Variants in AGFG1 observed in about 807,000 individuals in gnomAD.
AGFG1 encodes arf-GAP domain and FG repeat-containing protein 1.
A neutral mutation model predicts 60.6 loss-of-function variants in AGFG1; 10 were observed. The ratio of observed to expected loss-of-function variants is 0.16; its 90% CI spans 0.10 to 0.28. The LOEUF is 0.28. Ranked by LOEUF, AGFG1 falls within the 10% of genes least tolerant of loss-of-function variation. The pLI is 1.00. For synonymous variants in AGFG1, 247 were observed against 242.9 expected, an observed-to-expected ratio of 1.02 and a Z score of -0.16; for missense variants, 537 against 676.5, an observed-to-expected ratio of 0.79 and a Z score of 2.29.
intron 8 of AGFG1, among the ~76,000 whole-genome samples, chr2:227,535,308 A>G (rs1453123679): frequency 6.6e-6 from 1 of 152,196 alleles, no homozygotes; most frequent in East Asian, 1.9e-4. Flanking sequence ...TTCCTTACAG[A>G]TTGTACTCAG....
chr2:227,504,324 C>G (rs986114613), intron 2 of AGFG1, among the ~76,000 whole-genome samples: 3 of 152,008 alleles, frequency 2.0e-5, no homozygotes, highest in African/African-American at 7.2e-5. Flanking sequence ...TCCCAAGCAC[C>G]TGGGACCACA....
In AGFG1 at chr2:227,554,513, A is replaced by C. The variant is rs761018751; in HGVS notation, c.*18A>C. 6.2e-7 allele frequency: 1 copy of C among 1,601,358 alleles called. No homozygotes were observed. Among genetic ancestry groups the C allele is most frequent in the South Asian group, 1.1e-5 (1 of 89,882 alleles). On this transcript the variant is annotated 3_prime_UTR_variant, in exon 13 of 13. Transcript: ENST00000310078. ...TCTTATAGCCTTATATAGACAATTTACTGGAACGAACTTTTATGTGGTCAC... is the reference window on the plus strand; with the variant it reads ...TCTTATAGCCTTATATAGACAATTTCCTGGAACGAACTTTTATGTGGTCAC...
chr2:227,514,441 C>T (rs1032753990), intron 2 of AGFG1, among the ~76,000 whole-genome samples: 5 of 152,000 alleles, frequency 3.3e-5, no homozygotes, highest in African/African-American at 1.2e-4. Flanking sequence ...TGGTCTTTAC[C>T]TCCTGACCCC....
At chr2:227,539,945 C>A (rs537368144) in intron 10 of AGFG1, among the ~76,000 whole-genome samples, 1 of 152,106 alleles carries the variant, frequency 6.6e-6, no homozygotes, top group Non-Finnish European at 1.5e-5. Context: ...AAGCGATTCT[C>A]ATGACTCAGC....
intron 10 of AGFG1, 143 bp downstream of exon 10, chr2:227,537,136 A>G: frequency 1.6e-6 from 1 of 637,232 alleles, no homozygotes; most frequent in Non-Finnish European, 2.7e-6. Flanking sequence ...ATAAAGACAA[A>G]TTCTAGCTGA....
At chr2:227,546,233 A>G (rs938293836) in intron 10 of AGFG1, among the ~76,000 whole-genome samples, 3 of 152,156 alleles carry the variant, frequency 2.0e-5, no homozygotes, top group African/African-American at 7.2e-5. Flanking sequence ...CTCGCAGTTC[A>G]ATCAAGACTG....
intron 2 of AGFG1, among the ~76,000 whole-genome samples, chr2:227,503,102 G>A (rs1243743925): frequency 3.3e-5 from 5 of 152,014 alleles, no homozygotes; most frequent in Admixed American, 1.3e-4. Flanking sequence ...GCATGGTGGT[G>A]TGCACCTGTA....
rs181425491 is a variant in AGFG1 at position 227,536,322 on chromosome 2, T to C, written c.1206-303T>C. On this transcript the variant is annotated intron_variant, in intron 8 of 12. Coordinates refer to ENST00000310078, the MANE Select transcript of AGFG1 (RefSeq NM_004504.5). Reference sequence around the variant, plus strand: ...GTTTGCTTAGAATAATGGTTTTTGCTGGTGTTTTAACATGAATATTAAGAT... The same window carrying C: ...GTTTGCTTAGAATAATGGTTTTTGCCGGTGTTTTAACATGAATATTAAGAT... Among the ~76,000 whole-genome samples the C allele has an allele frequency of 3.3e-3, 504 of 152,294 alleles. 6 individuals carry two copies. Among genetic ancestry groups the C allele is most frequent in the African/African-American group, 0.012 (490 of 41,554 alleles).
chr2:227,526,909 C>T (rs909514758), intron 5 of AGFG1, among the ~76,000 whole-genome samples: 2 of 152,148 alleles, frequency 1.3e-5, no homozygotes, highest in South Asian at 4.1e-4. Context: ...TCCTTATTCT[C>T]AGATTTAACA....
intron 1 of AGFG1, among the ~76,000 whole-genome samples, chr2:227,486,490 A>G (rs548808425): frequency 2.7e-4 from 41 of 152,044 alleles, no homozygotes; most frequent in Non-Finnish European, 1.8e-4. Flanking sequence ...CATTTTGCCA[A>G]CCAGTTCATA....
intron 7 of AGFG1, among the ~76,000 whole-genome samples, chr2:227,534,380 A>G (rs1332670572): frequency 6.6e-6 from 1 of 152,218 alleles, no homozygotes; most frequent in Non-Finnish European, 1.5e-5. Context: ...GTTAAGGCAT[A>G]TAGAACAGTG....
At chr2:227,552,532 T>A (rs1305060865) in intron 11 of AGFG1, among the ~76,000 whole-genome samples, 1 of 152,204 alleles carries the variant, frequency 6.6e-6, no homozygotes, top group Non-Finnish European at 1.5e-5. Flanking sequence ...ATTTGGTAAC[T>A]ATACTGTAGT....
chr2:227,499,529 ACTC>A (rs1691085471), intron 2 of AGFG1, among the ~76,000 whole-genome samples: 1 of 151,724 alleles, frequency 6.6e-6, no homozygotes, highest in African/African-American at 2.4e-5. Context: ...AATCCCAACT[ACTC>A]TGGAGGCCAA....
At chr2:227,517,436 T>C (rs1007377302) in intron 2 of AGFG1, among the ~76,000 whole-genome samples, 1 of 152,098 alleles carries the variant, frequency 6.6e-6, no homozygotes, top group Non-Finnish European at 1.5e-5. Flanking sequence ...CAGCTATTTG[T>C]TTTTTCTGTA....
chr2:227,484,767 G>C (rs1031674081), intron 1 of AGFG1, among the ~76,000 whole-genome samples: 1 of 132,824 alleles, frequency 7.5e-6, no homozygotes, highest in Non-Finnish European at 1.5e-5. Context: ...GCAGTGGTAC[G>C]ATCTTGGCTC....
intron 10 of AGFG1, among the ~76,000 whole-genome samples, chr2:227,541,783 G>C (rs1337754131): frequency 2.0e-5 from 3 of 151,920 alleles, no homozygotes; most frequent in African/African-American, 7.2e-5. Context: ...AAATTACCTT[G>C]GGCAGTATGG....
Position 227,523,910 on chromosome 2 carries a change from G to A in AGFG1, c.525G>A (p.Lys175=), listed in dbSNP as rs147524470. 6.2e-7 allele frequency: 1 copy of A among 1,613,204 alleles called. No individual in the cohort carries two copies. The highest frequency in any genetic ancestry group is 1.3e-5 in the African/African-American group (1 of 74,766). Residue 175 remains lysine, a synonymous_variant, in exon 4 of 13, where the codon AAG becomes AAA. Coordinates refer to ENST00000310078, the MANE Select transcript of AGFG1 (RefSeq NM_004504.5). ...CTGCACCAACACTGCACTTAAATAA[G>A]GGCACACCTAGTCAGGTGAGTAGTC... is the stretch of plus-strand genomic sequence containing the variant. ...GDSAPTLHLN[K]GTPSQSPVVG... is the part of the protein sequence containing the mutation.
At chr2:227,478,023 T>A (rs1348349092) in intron 1 of AGFG1, among the ~76,000 whole-genome samples, 2 of 152,164 alleles carry the variant, frequency 1.3e-5, no homozygotes, top group Non-Finnish European at 2.9e-5. Flanking sequence ...TTTTTGAGTT[T>A]CATTGAGAAA....
At position 227,523,755 on chromosome 2, in the gene AGFG1, T is replaced by C. The variant is rs530820890; in HGVS notation, c.378-8T>C. 58 of 1,597,732 alleles carry C rather than the reference T, an allele frequency of 3.6e-5. No individual in the cohort carries two copies. In the South Asian group the frequency reaches 5.6e-4, roughly 15 times the overall value. On this transcript the variant is annotated splice_region_variant and splice_polypyrimidine_tract_variant and intron_variant, in intron 3 of 12. Coordinates refer to ENST00000310078, the MANE Select transcript of AGFG1 (RefSeq NM_004504.5). ...TTTTTTTAGTTAACTGTTTTTTACA[T>C]GTTTTAGGTATGTCCCGCCAGAACA...
Sources: allele counts gnomAD v4.1 joint callset (sites outside exome capture counted in the v4.1 genomes callset), GRCh38; gene constraint gnomAD v4.1.1; transcripts MANE v1.5; gene names NCBI Gene and HGNC (gene_info 2026-07-23, HGNC 2026-07-21).